The following SLCO6A1 variants were observed in gnomAD, a reference collection of about 807,000 sequenced individuals.
SLCO6A1 encodes solute carrier organic anion transporter family member 6A1.
In SLCO6A1, 65 loss-of-function variants were observed where a neutral mutation model predicts 72.7. The observed-to-expected ratio is 0.89, with a 90% CI of 0.73 to 1.10. SLCO6A1 has a LOEUF of 1.10. SLCO6A1 is among the 50% of genes least tolerant of loss of function. SLCO6A1 has a pLI of 0.00. For synonymous variants in SLCO6A1, 314 were observed against 298.2 expected (o/e 1.05, Z -0.55); for missense variants, 874 against 872.6 (o/e 1.00, Z -0.02).
intron 6 of SLCO6A1, among the ~76,000 whole-genome samples, chr5:102,444,896 C>A (rs1386422670): frequency 6.6e-6 from 1 of 152,100 alleles, no homozygotes; most frequent in Non-Finnish European, 1.5e-5. Context: ...CCAGTGAAAA[C>A]TAAAATTTCA....
chr5:102,450,187 A>T (rs1049821918), intron 6 of SLCO6A1, among the ~76,000 whole-genome samples: 1 of 152,188 alleles, frequency 6.6e-6, no homozygotes, highest in African/African-American at 2.4e-5. Flanking sequence ...GGTTGTTTGG[A>T]AGTAAAAAGA....
At chr5:102,433,154 T>C (rs533855106) in intron 7 of SLCO6A1, among the ~76,000 whole-genome samples, 2 of 152,190 alleles carry the variant, frequency 1.3e-5, no homozygotes. Context: ...CTGGCTACTT[T>C]ATCTTCCAGA....
chr5:102,405,005 C>T lies in SLCO6A1; in HGVS notation c.1627-5263G>A, dbSNP rs150740259. On this transcript the variant is annotated intron_variant, in intron 9 of 13. Transcript: ENST00000506729. Reference sequence around the variant, plus strand: ...CACTGGAGGTATCTCACAGAATTCTCCAACACAGGAACATGAATTTAAAAG... The same window carrying T: ...CACTGGAGGTATCTCACAGAATTCTTCAACACAGGAACATGAATTTAAAAG... Among the ~76,000 whole-genome samples the T allele has an allele frequency of 2.1e-3, 318 of 152,136 alleles. 3 individuals carry two copies. Among genetic ancestry groups the T allele is most frequent in the African/African-American group, 7.3e-3 (302 of 41,528 alleles).
At chr5:102,451,490 C>A (rs1750415862) in intron 6 of SLCO6A1, among the ~76,000 whole-genome samples, 1 of 152,166 alleles carries the variant, frequency 6.6e-6, no homozygotes, top group African/African-American at 2.4e-5. Context: ...GAGTCCATTG[C>A]CCTGGGATTT....
chr5:102,408,062 T>A (rs1287499155), intron 9 of SLCO6A1, among the ~76,000 whole-genome samples: 1 of 152,144 alleles, frequency 6.6e-6, no homozygotes, highest in African/African-American at 2.4e-5. Flanking sequence ...CATTCCAAGA[T>A]CCCTGAATGT....
chr5:102,449,078 C>A lies in SLCO6A1; in HGVS notation c.1131+9304G>T, dbSNP rs542150516. On this transcript the variant is annotated intron_variant, in intron 6 of 13. Coordinates refer to ENST00000506729, the MANE Select transcript of SLCO6A1 (RefSeq NM_173488.5). ...GCTCGGTGGTAACAAATTCCCTTAG[C>A]ATTTGCTTGTCTAAAAAGTATTTTA... 2.0e-5 allele frequency among the ~76,000 whole-genome samples: 3 copies of A among 152,188 alleles called. No homozygotes were observed. The South Asian group carries it at 6.2e-4, about 32-fold the overall frequency.
chr5:102,395,869 C>T (rs1234709880), intron 10 of SLCO6A1, among the ~76,000 whole-genome samples: 2 of 152,124 alleles, frequency 1.3e-5, no homozygotes, highest in Non-Finnish European at 2.9e-5. Context: ...ATATCCTTCA[C>T]CCACTTTTTG....
rs1432544937 is a variant in SLCO6A1 at position 102,419,952 on chromosome 5, A to G, written c.1346T>C (p.Met449Thr). ...LGGVIVSTLEMSCKALMRFIM... is the reference protein window; with the variant it reads ...LGGVIVSTLETSCKALMRFIM... ...AAATCTCATAAGGGCTTTACAAGAC[A>G]TTTCTAATGTGGAAACAATGACACC... The change falls in exon 8 of 14, where the codon ATG (methionine) becomes ACG (threonine). Residue 449 changes from methionine (M) to threonine (T), a missense_variant. Transcript: ENST00000506729. 6.2e-7 allele frequency: 1 copy of G among 1,607,108 alleles called. No homozygotes were observed. Among genetic ancestry groups the G allele is most frequent in the Admixed American group, 1.7e-5 (1 of 58,084 alleles).
intron 10 of SLCO6A1, among the ~76,000 whole-genome samples, chr5:102,396,323 G>C (rs1453786391): frequency 2.0e-5 from 3 of 151,924 alleles, no homozygotes; most frequent in Admixed American, 6.6e-5. Context: ...TCTTGTTTTT[G>C]TCAGGTTTGT....
chr5:102,486,122 A>C (rs1362019198), intron 1 of SLCO6A1, among the ~76,000 whole-genome samples: 1 of 152,234 alleles, frequency 6.6e-6, no homozygotes, highest in Non-Finnish European at 1.5e-5. Flanking sequence ...AAATTTAGCT[A>C]TGTAAAGCTA....
intron 4 of SLCO6A1, among the ~76,000 whole-genome samples, chr5:102,474,622 C>T (rs560561527): frequency 3.9e-5 from 6 of 151,918 alleles, no homozygotes; most frequent in East Asian, 1.9e-4. Flanking sequence ...AAACAATTGG[C>T]GAAGTGAAAA....
chr5:102,417,834 A>C (rs1273415356), intron 8 of SLCO6A1, among the ~76,000 whole-genome samples: 1 of 152,126 alleles, frequency 6.6e-6, no homozygotes, highest in Non-Finnish European at 1.5e-5. Flanking sequence ...TCTACTAAAA[A>C]TACAAAAATT....
chr5:102,385,396 C>T (rs974928705), intron 12 of SLCO6A1, among the ~76,000 whole-genome samples: 5 of 152,112 alleles, frequency 3.3e-5, no homozygotes, highest in Admixed American at 1.3e-4. Context: ...AAGCTTTCTA[C>T]CCCTTTATCT....
At chr5:102,498,438 T>G (rs779842655) in intron 1 of SLCO6A1, 49 bp downstream of exon 1, 1 of 1,549,950 alleles carries the variant, frequency 6.5e-7, no homozygotes, top group Non-Finnish European at 8.8e-7. Context: ...CCTCCGCCAG[T>G]GCGGCCCCAG....
intron 9 of SLCO6A1, among the ~76,000 whole-genome samples, chr5:102,407,307 G>A (rs953664254): frequency 1.1e-4 from 16 of 152,282 alleles, no homozygotes; most frequent in African/African-American, 3.9e-4. Flanking sequence ...TGTAATGAAA[G>A]TGGATATAAA....
chr5:102,406,355 ATAT>A (rs1747665390), intron 9 of SLCO6A1, among the ~76,000 whole-genome samples: 1 of 152,128 alleles, frequency 6.6e-6, no homozygotes, highest in Admixed American at 6.5e-5. Flanking sequence ...AAGAAAAAGA[ATAT>A]TATTATCGGA....
chr5:102,377,505 C>T (rs569335252), intron 12 of SLCO6A1, among the ~76,000 whole-genome samples: 1 of 152,014 alleles, frequency 6.6e-6, no homozygotes, highest in African/African-American at 2.4e-5. Flanking sequence ...GGAAAAATTT[C>T]CATATTTGGT....
chr5:102,438,423 A>C (rs1013925797), intron 7 of SLCO6A1, 194 bp downstream of exon 7: 22 of 391,012 alleles, frequency 5.6e-5, no homozygotes, highest in Non-Finnish European at 8.7e-5. Context: ...AAGGAGGAAC[A>C]CGGAAGTTTT....
intron 12 of SLCO6A1, among the ~76,000 whole-genome samples, chr5:102,382,262 G>C (rs1746151719): frequency 6.6e-6 from 1 of 151,506 alleles, no homozygotes; most frequent in Admixed American, 6.6e-5. Context: ...CCCATTGTGT[G>C]TTCTTGGCAC....
Sources: gnomAD v4.1 joint callset for allele counts (sites outside exome capture counted in the v4.1 genomes callset) on GRCh38, gnomAD v4.1.1 for gene constraint, MANE v1.5 for transcripts, NCBI Gene and HGNC (gene_info 2026-07-23, HGNC 2026-07-21) for gene names.